RREB1: variants seen among roughly 807,000 people sequenced by gnomAD.
RREB1 encodes ras-responsive element-binding protein 1.
A neutral mutation model predicts 117.8 loss-of-function variants in RREB1; 27 were observed. The ratio of observed to expected loss-of-function variants is 0.23; its 90% CI spans 0.17 to 0.32. The LOEUF is 0.32. Among genes scored for constraint, RREB1 ranks in the 10% least tolerant of loss-of-function variants. The probability of loss-of-function intolerance (pLI) is 1.00; values close to 1 mark genes in which losing one functional copy is unlikely to be tolerated. For synonymous variants in RREB1, 1,298 were observed against 1,026.7 expected (o/e 1.26, Z -5.05); for missense variants, 2,577 against 2,378.2 (o/e 1.08, Z -1.74).
chr6:7,232,928 T>C (rs1354616563), intron 10 of RREB1, among the ~76,000 whole-genome samples: 1 of 152,084 alleles, frequency 6.6e-6, no homozygotes, highest in East Asian at 1.9e-4. Context: ...GGAGTCTCGC[T>C]CTGTTACCCA....
rs1322804088 is a variant in RREB1, at chr6:7,230,058, C to T, written c.1959C>T (p.Ala653=). ...GCCGCTTCTGCAACCAGGTGTTTGCCTTCTCGGGGGTCTTGCGTGCCCACG... is the reference window on the plus strand; with the variant it reads ...GCCGCTTCTGCAACCAGGTGTTTGCTTTCTCGGGGGTCTTGCGTGCCCACG... ...YPCRFCNQVF[A]FSGVLRAHVR... Residue 653 remains alanine (A), a synonymous_variant, in exon 10 of 13, where the codon GCC becomes GCT. Transcript: ENST00000379938. 5.0e-6 allele frequency: 8 copies of T among 1,608,056 alleles called. No individual in the cohort carries two copies. Among genetic ancestry groups the T allele is most frequent in the Non-Finnish European group, 6.8e-6 (8 of 1,176,112 alleles).
chr6:7,146,014 C>T (rs531745059), intron 1 of RREB1, among the ~76,000 whole-genome samples: 141 of 151,818 alleles, frequency 9.3e-4, no homozygotes, highest in African/African-American at 3.1e-3. Flanking sequence ...GCCACCTCTC[C>T]GTATCCCTCT....
intron 7 of RREB1, 52 bp downstream of exon 7, chr6:7,211,000 A>C: frequency 6.5e-7 from 1 of 1,548,748 alleles, no homozygotes; most frequent in Non-Finnish European, 8.8e-7. Context: ...TTCTGTCAGA[A>C]ATACCACTAA....
At chr6:7,191,244 G>T (rs1187297736) in intron 6 of RREB1, among the ~76,000 whole-genome samples, 1 of 151,716 alleles carries the variant, frequency 6.6e-6, no homozygotes. Flanking sequence ...ACATCTTACG[G>T]TATAATTCAT....
At chr6:7,141,135 G>T (rs1029086067) in intron 1 of RREB1, among the ~76,000 whole-genome samples, 1 of 151,940 alleles carries the variant, frequency 6.6e-6, no homozygotes, top group Non-Finnish European at 1.5e-5. Context: ...GGGCCCCCTC[G>T]GGCCGCCCCC....
intron 1 of RREB1, among the ~76,000 whole-genome samples, chr6:7,131,174 C>T (rs1344633498): frequency 6.6e-6 from 1 of 152,066 alleles, no homozygotes; most frequent in African/African-American, 2.4e-5. Flanking sequence ...GATCCATCCA[C>T]GTCGGCCTCC....
chr6:7,108,286 C>G (rs1351352589), intron 1 of RREB1, among the ~76,000 whole-genome samples: 1 of 151,828 alleles, frequency 6.6e-6, no homozygotes, highest in Non-Finnish European at 1.5e-5. Context: ...AGCGGGGCAG[C>G]CCTCTCCCCT....
At chr6:7,193,315 G>A (rs1470278560) in intron 6 of RREB1, among the ~76,000 whole-genome samples, 2 of 152,188 alleles carry the variant, frequency 1.3e-5, no homozygotes, top group Non-Finnish European at 1.5e-5. Context: ...CTGTTGTTGG[G>A]TGGAGTGTTC....
At chr6:7,199,675 T>C (rs548794680) in intron 6 of RREB1, among the ~76,000 whole-genome samples, 85 of 152,160 alleles carry the variant, frequency 5.6e-4, no homozygotes, top group African/African-American at 2.0e-3. Flanking sequence ...TTGTTTTGTT[T>C]TGTTTTGAGA....
intron 1 of RREB1, among the ~76,000 whole-genome samples, chr6:7,113,505 C>T (rs974456277): frequency 2.6e-5 from 4 of 152,130 alleles, no homozygotes; most frequent in African/African-American, 9.7e-5. Flanking sequence ...AAAGATTCCA[C>T]GTTCATGCTG....
At chr6:7,178,440 C>T (rs981190644) in intron 2 of RREB1, among the ~76,000 whole-genome samples, 1 of 152,248 alleles carries the variant, frequency 6.6e-6, no homozygotes, top group African/African-American at 2.4e-5. Context: ...TGCTCTGGTT[C>T]GATGATCTTG....
Position 7,186,874 on chromosome 6 carries a change from T to C in RREB1, c.172-560T>C, listed in dbSNP as rs1765108678. 2.0e-5 allele frequency among the ~76,000 whole-genome samples: 3 copies of C among 152,322 alleles called. No homozygotes were observed. The South Asian group carries it at 6.2e-4, about 32-fold the overall frequency. ...GTGTGATGTTTTTGTTGAGTATTTA[T>C]GAGCAGTGTTAAGCAGATGCTAGCA... is the stretch of plus-strand genomic sequence containing the variant. On this transcript the variant is annotated intron_variant, in intron 4 of 12. Transcript: ENST00000379938.
intron 6 of RREB1, among the ~76,000 whole-genome samples, chr6:7,200,512 G>A (rs779719670): frequency 4.0e-4 from 61 of 151,992 alleles, no homozygotes; most frequent in African/African-American, 1.2e-3. Flanking sequence ...CAGGTGATCC[G>A]ACCACCTCAG....
At chr6:7,180,123 G>A (rs898963421) in intron 2 of RREB1, among the ~76,000 whole-genome samples, 10 of 152,082 alleles carry the variant, frequency 6.6e-5, no homozygotes, top group Admixed American at 2.0e-4. Context: ...ATGTTTCTGC[G>A]GTTAGTCCTT....
chr6:7,233,302 T>TATAA (rs1768113992), intron 10 of RREB1, among the ~76,000 whole-genome samples: 1 of 152,258 alleles, frequency 6.6e-6, no homozygotes, highest in South Asian at 2.1e-4. Context: ...GCTTCTAGTA[T>TATAA]ATAAATGGCC....
rs9505045 is a variant in RREB1 at position 7,130,787 on chromosome 6, T to C, written c.-285+22727T>C. Among the ~76,000 whole-genome samples, 679 of 152,052 alleles carry C rather than the reference T, an allele frequency of 4.5e-3. 6 individuals carry two copies. Among genetic ancestry groups the C allele is most frequent in the Middle Eastern group, 0.017 (5 of 294 alleles). On this transcript the variant is annotated intron_variant, in intron 1 of 12. Coordinates refer to ENST00000379938, the MANE Select transcript of RREB1 (RefSeq NM_001003699.4). ...ACCTGCCACCACACCCAGCTAACTT[T>C]TGTATGTTTAGTAGAGATGGGGTTT...
At chr6:7,152,670 A>C (rs1763177150) in intron 1 of RREB1, among the ~76,000 whole-genome samples, 1 of 152,190 alleles carries the variant, frequency 6.6e-6, no homozygotes, top group Admixed American at 6.5e-5. Flanking sequence ...GGGGCCTATG[A>C]ACTTGAGAAG....
intron 1 of RREB1, among the ~76,000 whole-genome samples, chr6:7,167,276 G>C (rs570893955): frequency 2.3e-4 from 35 of 152,124 alleles, no homozygotes; most frequent in African/African-American, 8.2e-4. Context: ...TGTTCTCATT[G>C]GCCAGGGGAT....
At chr6:7,160,335 T>TA (rs943486614) in intron 1 of RREB1, among the ~76,000 whole-genome samples, 9 of 151,482 alleles carry the variant, frequency 5.9e-5, no homozygotes, top group East Asian at 3.9e-4. Flanking sequence ...TAAGTTTTTT[T>TA]AAAAAAAAAT....
Sources: allele counts gnomAD v4.1 joint callset (sites outside exome capture counted in the v4.1 genomes callset), GRCh38; gene constraint gnomAD v4.1.1; transcripts MANE v1.5; gene names NCBI Gene and HGNC (gene_info 2026-07-23, HGNC 2026-07-21).